Variants in LAP3 observed in about 807,000 individuals in gnomAD.
LAP3 encodes leucine aminopeptidase 3.
A neutral mutation model predicts 58.8 loss-of-function variants in LAP3; 46 were observed. The observed-to-expected ratio is 0.78, with a 90% confidence interval of 0.62 to 1.00. The LOEUF is 1.00. Ranked by LOEUF, LAP3 falls within the 50% of genes least tolerant of loss-of-function variation. The pLI is 0.00. For synonymous variants in LAP3, 257 were observed against 237.7 expected, an observed-to-expected ratio of 1.08 and a Z score of -0.75; for missense variants, 615 against 659.1, an observed-to-expected ratio of 0.93 and a Z score of 0.73.
chr4:17,584,317 G>C (rs1372246768), intron 5 of LAP3, among the ~76,000 whole-genome samples: 1 of 152,232 alleles, frequency 6.6e-6, no homozygotes, highest in Non-Finnish European at 1.5e-5. Context: ...CCGATTTCAT[G>C]GGGTTTGTAT....
Position 17,582,297 on chromosome 4 carries a change from A to C in LAP3, c.283A>C (p.Ser95Arg), listed in dbSNP as rs750981772. The C allele has an allele frequency of 6.2e-7, 1 of 1,613,948 alleles. No individual in the cohort carries two copies. Among genetic ancestry groups the C allele is most frequent in the South Asian group, 1.1e-5 (1 of 91,060 alleles). ...TFYGLHQDFP[S>R]VVLVGLGKKA... ...TGTATCTGTGGGACAGGACTTCCCC[A>C]GCGTGGTGCTAGTTGGCCTCGGCAA... The change falls in exon 4 of 13, where the codon AGC becomes CGC. Residue 95 changes from serine (S) to arginine (R), a missense_variant. Physicochemically the swap from Ser to Arg is moderately radical, Grantham distance 110. Coordinates refer to ENST00000226299, the MANE Select transcript of LAP3 (RefSeq NM_015907.3).
chr4:17,585,399 C>A, intron 6 of LAP3: 1 of 247,244 alleles, frequency 4.0e-6, no homozygotes, highest in South Asian at 7.0e-5. Context: ...ATTAACATGC[C>A]ATAGAATTCA....
intron 7 of LAP3, among the ~76,000 whole-genome samples, chr4:17,594,797 C>T (rs538676219): frequency 1.3e-5 from 2 of 152,270 alleles, no homozygotes; most frequent in East Asian, 3.9e-4. Flanking sequence ...AGAAATGCCT[C>T]CAGTCATCTC....
chr4:17,607,427 AT>A lies in LAP3; in HGVS notation c.1400del (p.Phe467SerfsTer2), dbSNP rs1477956178. 6.2e-7 allele frequency: 1 copy of A among 1,613,728 alleles called. No individual in the cohort carries two copies. The highest frequency in any genetic ancestry group is 2.2e-5 in the East Asian group (1 of 44,860). On this transcript the variant is annotated frameshift_variant, in exon 13 of 13. Coordinates refer to ENST00000226299, the MANE Select transcript of LAP3 (RefSeq NM_015907.3). LOFTEE classifies it high-confidence loss of function. ...RSAGACTAAA[F>X]LKEFVTHPKW... ...CTGCAGGAGCATGTACAGCTGCAGC[AT>A]TCCTGAAAGAATTCGTAACTCATCC...
intron 6 of LAP3, chr4:17,586,212 G>A (rs1391422582): frequency 1.3e-5 from 2 of 152,148 alleles, no homozygotes; most frequent in African/African-American, 4.8e-5. Flanking sequence ...GAGCATTTGG[G>A]AATTTATAAT....
At position 17,604,562 on chromosome 4, in the gene LAP3, G is replaced by T. The variant is rs368879814; in HGVS notation, c.1181-26G>T. On this transcript the variant is annotated intron_variant, in intron 10 of 12. Transcript: ENST00000226299. ...CCCATTTTGCCTGGAGAGACTGCAC[G>T]TGACCTGAGGGCTTGTGTCTTACAG... The T allele has an allele frequency of 5.0e-6, 8 of 1,604,666 alleles. No homozygotes were observed. In the East Asian group the frequency reaches 1.6e-4, roughly 31 times the overall value.
intron 10 of LAP3, among the ~76,000 whole-genome samples, chr4:17,600,560 T>G (rs146788540): frequency 6.6e-6 from 1 of 152,172 alleles, no homozygotes; most frequent in Non-Finnish European, 1.5e-5. Flanking sequence ...CCTAGATGCT[T>G]AATAGCAGCA....
rs1383820419 is a variant in LAP3 at position 17,577,221 on chromosome 4, A to G, written c.-245A>G. ...GCGCACACGAATGCGGGCGCACACGAATGCGGGCGCACACGAATGCGGGCG... is the reference window on the plus strand; with the variant it reads ...GCGCACACGAATGCGGGCGCACACGGATGCGGGCGCACACGAATGCGGGCG... On this transcript the variant is annotated 5_prime_UTR_variant, in exon 1 of 13. Coordinates refer to ENST00000226299, the MANE Select transcript of LAP3 (RefSeq NM_015907.3). The G allele has an allele frequency of 2.0e-5, 7 of 357,644 alleles. No homozygotes were observed. The East Asian group carries it at 3.4e-4, about 17-fold the overall frequency. The allele number at this position is 357,644 out of a possible 1,614,324, so 22.2% of individuals were successfully genotyped here.
At chr4:17,579,731 A>G in intron 1 of LAP3, 93 bp from the exon 2 acceptor site, 1 of 643,104 alleles carries the variant, frequency 1.6e-6, no homozygotes, top group South Asian at 2.2e-5. Context: ...TTTGGGTGGA[A>G]TTATTTGTTC....
At chr4:17,593,860 G>T (rs1236416993) in intron 7 of LAP3, among the ~76,000 whole-genome samples, 2 of 152,002 alleles carry the variant, frequency 1.3e-5, no homozygotes, top group Non-Finnish European at 2.9e-5. Context: ...TGATTTGCCT[G>T]CCTCAGCCTC....
rs186413027 is a variant in LAP3 at position 17,580,004 on chromosome 4, C to A, written c.218+65C>A. 275 of 943,358 alleles carry A rather than the reference C, an allele frequency of 2.9e-4. 1 individual carries two copies. The African/African-American group carries it at 3.7e-3, about 13-fold the overall frequency. 58.4% of individuals were successfully genotyped at this position (943,358 alleles called of 1,614,324 possible). A position where few individuals can be genotyped will look rare whatever the true frequency, so the allele number is the denominator to read the frequency against. On this transcript the variant is annotated intron_variant, in intron 2 of 12. Coordinates refer to ENST00000226299, the MANE Select transcript of LAP3 (RefSeq NM_015907.3). ...CAAATCGAAACAGTATTTTTTCTTTCTTTTCTTTTTTGAAACAGAGTCTTG... is the reference window on the plus strand; with the variant it reads ...CAAATCGAAACAGTATTTTTTCTTTATTTTCTTTTTTGAAACAGAGTCTTG...
chr4:17,597,177 C>T, intron 9 of LAP3, 43 bp downstream of exon 9: 3 of 1,535,332 alleles, frequency 2.0e-6, no homozygotes, highest in East Asian at 2.2e-5. Context: ...CAGCGTTCCT[C>T]AGGAATCCCG....
chr4:17,585,095 G>A lies in LAP3; in HGVS notation c.663G>A (p.Lys221=), dbSNP rs1377783328. The A allele has an allele frequency of 5.6e-6, 9 of 1,613,764 alleles. No homozygotes were observed. The East Asian group carries it at 1.8e-4, about 32-fold the overall frequency. ...CCAGATTTGCTGAAATTATTGAGAA[G>A]AATCTCAAAAGTGCTAGTAGTAAAA... The part of the protein sequence containing the change: ...TPTRFAEIIE[K]NLKSASSKTE... The change falls in exon 6 of 13, where the codon AAG becomes AAA. Residue 221 remains lysine (K), a synonymous_variant. Transcript: ENST00000226299.
At chr4:17,589,641 A>G (rs536957940) in intron 7 of LAP3, among the ~76,000 whole-genome samples, 1 of 151,984 alleles carries the variant, frequency 6.6e-6, no homozygotes, top group South Asian at 2.1e-4. Flanking sequence ...TAAAAAAAAT[A>G]TAGAGATGAG....
chr4:17,595,414 G>C lies in LAP3; in HGVS notation c.868G>C (p.Gly290Arg). 6.2e-7 allele frequency: 1 copy of C among 1,613,710 alleles called. No homozygotes were observed. Among genetic ancestry groups the C allele is most frequent in the Non-Finnish European group, 8.5e-7 (1 of 1,179,856 alleles). Residue 290 changes from glycine (G) to arginine (R), a missense_variant, in exon 8 of 13, where the codon GGT (glycine) becomes CGT (arginine). By Grantham distance (125) the Gly-to-Arg change is moderately radical (BLOSUM62 -2). Coordinates refer to ENST00000226299, the MANE Select transcript of LAP3 (RefSeq NM_015907.3). Reference protein sequence around the residue: ...VGKGITFDSGGISIKASANMD... With the variant: ...VGKGITFDSGRISIKASANMD... ...ACGTTGTCCATTTCCCCATAGTGGT[G>C]GTATCTCCATCAAGGCTTCTGCAAA...
chr4:17,606,618 G>T (rs1342272415), intron 11 of LAP3, among the ~76,000 whole-genome samples: 2 of 152,222 alleles, frequency 1.3e-5, no homozygotes, highest in African/African-American at 4.8e-5. Flanking sequence ...GATTATAGGC[G>T]TGAGCCACTG....
Position 17,597,094 on chromosome 4 carries a change from C to CG in LAP3, c.1042dup (p.Asp348GlyfsTer4). 2 of 1,614,216 alleles carry CG rather than the reference C, an allele frequency of 1.2e-6. No individual in the cohort carries two copies. The highest frequency in any genetic ancestry group is 1.7e-6 in the Non-Finnish European group (2 of 1,180,036). The stretch of plus-strand genomic sequence containing the variant: ...ATGCCCAGCGGCAAGGCCAACAAGC[C>CG]GGGGGATGTTGTTAGAGCCAAAAAC... On this transcript the variant is annotated frameshift_variant, in exon 9 of 13. Coordinates refer to ENST00000226299, the MANE Select transcript of LAP3 (RefSeq NM_015907.3). LOFTEE classifies it high-confidence loss of function.
intron 6 of LAP3, chr4:17,587,321 ATAT>A (rs1215517758): frequency 1.3e-5 from 2 of 152,272 alleles, no homozygotes. Context: ...AGGTCAGTGT[ATAT>A]CAGAGAAACA....
chr4:17,604,551 A>C, intron 10 of LAP3, 37 bp from the exon 11 acceptor site: 2 of 1,567,960 alleles, frequency 1.3e-6, no homozygotes, highest in Non-Finnish European at 1.8e-6. Flanking sequence ...TTTTGCCTGG[A>C]GAGACTGCAC....
Sources: allele counts gnomAD v4.1 joint callset (sites outside exome capture counted in the v4.1 genomes callset), GRCh38; gene constraint gnomAD v4.1.1; transcripts MANE v1.5; gene names NCBI Gene and HGNC (gene_info 2026-07-23, HGNC 2026-07-21).